Variants in GAS7 observed in about 807,000 individuals in gnomAD.
GAS7 encodes growth arrest specific 7, also known as growth arrest-specific protein 7.
A neutral mutation model predicts 71.1 loss-of-function variants in GAS7; 28 were observed. The ratio of observed to expected loss-of-function variants is 0.39; its 90% CI spans 0.29 to 0.54. The LOEUF is 0.54. Ranked by LOEUF, GAS7 falls within the 20% of genes least tolerant of loss-of-function variation. The pLI is 0.62. For missense variants in GAS7, 436 were observed against 627.8 expected, an observed-to-expected ratio of 0.69 and a Z score of 3.27; for synonymous variants, 258 against 245.8, an observed-to-expected ratio of 1.05 and a Z score of -0.46.
At chr17:10,115,494 A>G (rs2142071046) in intron 1 of GAS7, among the ~76,000 whole-genome samples, 1 of 152,156 alleles carries the variant, frequency 6.6e-6, no homozygotes, top group East Asian at 1.9e-4. Flanking sequence ...CTAACTGTTC[A>G]CCCTTTACAG....
Position 9,913,070 on chromosome 17 carries a change from G to A in GAS7, c.*4158C>T. ...GAGGGCAGGAGAAGGGAATTTTTTG[G>A]AGGGTTAAAAACAGGTTGATCTTGG... On this transcript the variant is annotated 3_prime_UTR_variant, in exon 14 of 14. Transcript: ENST00000432992. 1 of 232,662 alleles carries A rather than the reference G, an allele frequency of 4.3e-6. No homozygotes were observed. The highest frequency in any genetic ancestry group is 5.6e-5 in the Admixed American group (1 of 17,774). 14.4% of individuals were successfully genotyped at this position (232,662 alleles called of 1,614,324 possible).
chr17:10,187,774 A>C (rs116388068), intron 1 of GAS7, among the ~76,000 whole-genome samples: 1 of 152,168 alleles, frequency 6.6e-6, no homozygotes, highest in Non-Finnish European at 1.5e-5. Context: ...ATAAGAATGC[A>C]GTCCCGGGCC....
At position 9,926,491 on chromosome 17, in the gene GAS7, G is replaced by T; in HGVS notation, c.1014+150C>A. 2 of 808,972 alleles carry T rather than the reference G, an allele frequency of 2.5e-6. No individual in the cohort carries two copies. The highest frequency in any genetic ancestry group is 3.9e-6 in the Non-Finnish European group (2 of 511,448). The allele number at this position is 808,972 out of a possible 1,614,324, so 50.1% of individuals were successfully genotyped here. A position where few individuals can be genotyped will look rare whatever the true frequency, so the allele number is the denominator to read the frequency against. Reference sequence around the variant, plus strand: ...CCTTGGATGGGTGGGGTGCTCTGGCGTAGGCACGAGGCTTGGACATCCCCC... The same window carrying T: ...CCTTGGATGGGTGGGGTGCTCTGGCTTAGGCACGAGGCTTGGACATCCCCC... On this transcript the variant is annotated intron_variant, in intron 10 of 13. Transcript: ENST00000432992. The surrounding 1 kb of genome is among the most constrained non-coding windows in gnomAD (Gnocchi z 5.0).
At chr17:9,975,134 C>T (rs2070135888) in intron 3 of GAS7, among the ~76,000 whole-genome samples, 1 of 152,150 alleles carries the variant, frequency 6.6e-6, no homozygotes. Flanking sequence ...GAGGGCGGAT[C>T]ACTTGAGGTC....
intron 1 of GAS7, among the ~76,000 whole-genome samples, chr17:10,182,579 C>A (rs906684285): frequency 6.6e-6 from 1 of 152,208 alleles, no homozygotes; most frequent in Non-Finnish European, 1.5e-5. Flanking sequence ...TTGGGGTTCA[C>A]CCTGTGACAG....
At chr17:10,095,542 T>C (rs1478764444) in intron 1 of GAS7, among the ~76,000 whole-genome samples, 2 of 152,140 alleles carry the variant, frequency 1.3e-5, no homozygotes, top group African/African-American at 2.4e-5. Flanking sequence ...TTCTCAGATC[T>C]TGGCCGCAGT....
At chr17:10,086,899 C>A (rs958510952) in intron 1 of GAS7, among the ~76,000 whole-genome samples, 1 of 152,130 alleles carries the variant, frequency 6.6e-6, no homozygotes, top group Non-Finnish European at 1.5e-5. Flanking sequence ...GTCATACAAG[C>A]CAAAGCAACC....
intron 1 of GAS7, among the ~76,000 whole-genome samples, chr17:10,157,696 T>C (rs1360874137): frequency 3.3e-5 from 5 of 152,186 alleles, no homozygotes; most frequent in African/African-American, 1.2e-4. Flanking sequence ...GTCACATGAA[T>C]ATACCCTTGG....
intron 1 of GAS7, among the ~76,000 whole-genome samples, chr17:10,085,217 C>A (rs1309400606): frequency 6.6e-6 from 1 of 152,126 alleles, no homozygotes; most frequent in Non-Finnish European, 1.5e-5. Flanking sequence ...TATTTATAAT[C>A]AAAGAACCCT....
At position 9,981,826 on chromosome 17, in the gene GAS7, G is replaced by C. The variant is rs770166914; in HGVS notation, c.363C>G (p.His121Gln). ...SPGIPASPGS[H>Q]RSSLPPTVNG... ...TACCTGTTGGAGGCAGAGAGCTCCT[G>C]TGAGAGCCAGGGCTGGCTGGAATCC... The change falls in exon 3 of 14, where the codon CAC becomes CAG. Residue 121 changes from histidine (H) to glutamine (Q), a missense_variant. By Grantham distance (24) the His-to-Gln change is conservative. Coordinates refer to ENST00000432992, the MANE Select transcript of GAS7 (RefSeq NM_201433.2). This position sits in a 1 kb window ranked among gnomAD's most constrained non-coding sequence, Gnocchi z 4.4. The C allele has an allele frequency of 1.1e-5, 18 of 1,602,210 alleles. No individual in the cohort carries two copies. Among genetic ancestry groups the C allele is most frequent in the Middle Eastern group, 1.7e-4 (1 of 6,054 alleles).
At chr17:10,040,057 TACTGAGCACTC>T (rs1166735402) in intron 1 of GAS7, among the ~76,000 whole-genome samples, 3 of 152,236 alleles carry the variant, frequency 2.0e-5, no homozygotes, top group Non-Finnish European at 2.9e-5. Context: ...GAGGATCTTG[TACTGAGCACTC>T]ACTTTGGACC....
At chr17:10,005,126 C>T (rs910053905) in intron 2 of GAS7, among the ~76,000 whole-genome samples, 20 of 151,334 alleles carry the variant, frequency 1.3e-4, no homozygotes, top group Admixed American at 8.5e-4. Context: ...TGCACGCATA[C>T]CAGCATGTGT....
chr17:10,013,856 G>A (rs150353616), intron 2 of GAS7, among the ~76,000 whole-genome samples: 1 of 152,022 alleles, frequency 6.6e-6, no homozygotes, highest in Non-Finnish European at 1.5e-5. Context: ...GGTCTCCTTG[G>A]CTGCTGCCTT....
intron 4 of GAS7, among the ~76,000 whole-genome samples, chr17:9,966,860 AG>A (rs768047305): frequency 1.3e-5 from 2 of 152,220 alleles, no homozygotes; most frequent in Non-Finnish European, 2.9e-5. Context: ...AGGGCAACAC[AG>A]GGACACCCTG....
At chr17:10,195,418 C>G (rs1012354984) in intron 1 of GAS7, among the ~76,000 whole-genome samples, 5 of 152,184 alleles carry the variant, frequency 3.3e-5, no homozygotes, top group Non-Finnish European at 7.4e-5. Flanking sequence ...TCCCTCCCCT[C>G]CACCAAGATG....
At chr17:10,196,318 A>C (rs2074540216) in intron 1 of GAS7, among the ~76,000 whole-genome samples, 1 of 152,198 alleles carries the variant, frequency 6.6e-6, no homozygotes, top group South Asian at 2.1e-4. Flanking sequence ...GCTTGTCTAT[A>C]AAATGGGGGA....
At chr17:10,048,614 A>G (rs569346139) in intron 1 of GAS7, among the ~76,000 whole-genome samples, 1 of 152,310 alleles carries the variant, frequency 6.6e-6, no homozygotes, top group Admixed American at 6.5e-5. Flanking sequence ...TTCAATAAAT[A>G]TTTGCTGAAG....
intron 1 of GAS7, among the ~76,000 whole-genome samples, chr17:10,024,610 G>A (rs891298870): frequency 4.6e-5 from 7 of 152,052 alleles, no homozygotes; most frequent in African/African-American, 1.5e-4. Flanking sequence ...AATAAAACGC[G>A]GCCTCTTCCT....
chr17:10,164,311 G>T (rs1015171613), intron 1 of GAS7, among the ~76,000 whole-genome samples: 7 of 151,948 alleles, frequency 4.6e-5, no homozygotes, highest in Non-Finnish European at 1.0e-4. Context: ...GCTTGGTGGT[G>T]CGCGCTTGTA....
Sources: gnomAD v4.1 joint callset for allele counts (sites outside exome capture counted in the v4.1 genomes callset) on GRCh38, gnomAD v4.1.1 for gene constraint, Gnocchi (gnomAD v3.1) non-coding constraint, MANE v1.5 for transcripts, NCBI Gene and HGNC (gene_info 2026-07-23, HGNC 2026-07-21) for gene names.